Variants in PSMG2 observed in about 807,000 individuals in gnomAD.
PSMG2 encodes the protein CD40 ligand-activated specific transcript 3.
Under a neutral mutation model 31.5 loss-of-function variants are expected in PSMG2, and 21 were observed. The observed-to-expected ratio is 0.67, with a 90% confidence interval of 0.47 to 0.96. PSMG2 has a LOEUF of 0.96. PSMG2 is among the 40% of genes least tolerant of loss of function. The pLI is 0.00. For missense variants in PSMG2, 318 were observed against 321.2 expected (o/e 0.99, Z 0.08); for synonymous variants, 120 against 110.4 (o/e 1.09, Z -0.54).
chr18:12,699,195 C>G, upstream of PSMG2: 7 of 1,609,458 alleles, frequency 4.3e-6, no homozygotes, highest in Non-Finnish European at 6.0e-6. Flanking sequence ...CGTGTTGGAT[C>G]AATATTAGCT....
intron 1 of PSMG2, among the ~76,000 whole-genome samples, chr18:12,693,837 C>T (rs1598654241): frequency 6.6e-6 from 1 of 152,164 alleles, no homozygotes; most frequent in African/African-American, 2.4e-5. Flanking sequence ...TGTGTGTATA[C>T]ACCATTTATT....
chr18:12,697,475 C>A, intron 1 of PSMG2: 1 of 1,058,456 alleles, frequency 9.4e-7, no homozygotes, highest in Non-Finnish European at 1.3e-6. Flanking sequence ...TAAAAGAATA[C>A]TTTTATTAAA....
At chr18:12,705,695 A>C (rs752601135) in intron 1 of PSMG2, among the ~76,000 whole-genome samples, 1 of 152,088 alleles carries the variant, frequency 6.6e-6, no homozygotes, top group Admixed American at 6.6e-5. Flanking sequence ...GCTTCTGTTC[A>C]TACCTCGAAG....
At chr18:12,696,635 G>C (rs2039967860) in intron 1 of PSMG2, among the ~76,000 whole-genome samples, 1 of 152,114 alleles carries the variant, frequency 6.6e-6, no homozygotes, top group Non-Finnish European at 1.5e-5. Context: ...GGTAGGTTTT[G>C]TTTTCTCATT....
chr18:12,689,346 A>G (rs1268070215), intron 1 of PSMG2, among the ~76,000 whole-genome samples: 1 of 152,172 alleles, frequency 6.6e-6, no homozygotes, highest in Non-Finnish European at 1.5e-5. Flanking sequence ...ATGTATATGG[A>G]AAGAGGTGGC....
At chr18:12,702,730 C>A, upstream of PSMG2, 1 of 650,756 alleles carries the variant, frequency 1.5e-6, no homozygotes, top group East Asian at 3.1e-5. Flanking sequence ...AAATGAGGCC[C>A]CGGCGGCGGC....
chr18:12,699,048 G>A, upstream of PSMG2: 1 of 1,614,044 alleles, frequency 6.2e-7, no homozygotes, highest in Non-Finnish European at 8.5e-7. Context: ...CATGGAACAG[G>A]TTTAGAACGA....
chr18:12,697,728 T>G (rs750384498), intron 1 of PSMG2, among the ~76,000 whole-genome samples: 1 of 152,198 alleles, frequency 6.6e-6, no homozygotes. Context: ...AGCCTTCAAG[T>G]ATGTCAATAT....
chr18:12,711,110 CA>C (rs1355773803), intron 2 of PSMG2, among the ~76,000 whole-genome samples: 1 of 151,920 alleles, frequency 6.6e-6, no homozygotes, highest in East Asian at 1.9e-4. Context: ...AAAAAACAAA[CA>C]AAAAACAAAA....
At chr18:12,698,133 TCA>T (rs1307485310), upstream of PSMG2, among the ~76,000 whole-genome samples, 1 of 151,432 alleles carries the variant, frequency 6.6e-6, no homozygotes, top group African/African-American at 2.4e-5. Context: ...AGTTATATGT[TCA>T]CATCTAAATT....
At chr18:12,670,651 T>A (rs574954304) in intron 1 of PSMG2, 3 of 136,436 alleles carry the variant, frequency 2.2e-5, no homozygotes, top group African/African-American at 8.3e-5. Flanking sequence ...AAAAGAGTGG[T>A]TTTTTTTAAC....
chr18:12,721,566 T>C (rs1254108139), intron 5 of PSMG2, among the ~76,000 whole-genome samples: 1 of 152,162 alleles, frequency 6.6e-6, no homozygotes, highest in Admixed American at 6.5e-5. Context: ...GTAAAATTGG[T>C]GTTGATGTTC....
At chr18:12,710,587 T>C (rs1482541029) in intron 2 of PSMG2, among the ~76,000 whole-genome samples, 1 of 152,184 alleles carries the variant, frequency 6.6e-6, no homozygotes, top group East Asian at 1.9e-4. Context: ...GGTGTATTGT[T>C]TTGTACAATG....
At chr18:12,667,873 T>C (rs1456900728) in intron 1 of PSMG2, among the ~76,000 whole-genome samples, 1 of 95,396 alleles carries the variant, frequency 1.0e-5, no homozygotes, top group Non-Finnish European at 2.1e-5. Context: ...TTTTTTTAAA[T>C]AGAACAAGAA....
At chr18:12,685,816 G>C (rs2039520808) in intron 1 of PSMG2, 1 of 152,814 alleles carries the variant, frequency 6.5e-6, no homozygotes, top group Non-Finnish European at 1.5e-5. Flanking sequence ...TATTTTAGTA[G>C]AGATAGGGTT....
intron 1 of PSMG2, among the ~76,000 whole-genome samples, chr18:12,660,823 A>T (rs1046780524): frequency 6.6e-6 from 1 of 152,138 alleles, no homozygotes; most frequent in Admixed American, 6.6e-5. Flanking sequence ...GTGTGAGCAT[A>T]TATGTAATTA....
At chr18:12,674,555 C>G (rs1161958816) in intron 1 of PSMG2, 2 of 1,613,428 alleles carry the variant, frequency 1.2e-6, no homozygotes, top group East Asian at 2.2e-5. Context: ...GTGGCAAATG[C>G]ACGTCTTGCA....
chr18:12,661,242 A>C (rs2038690360), intron 1 of PSMG2: 2 of 277,214 alleles, frequency 7.2e-6, no homozygotes, highest in Admixed American at 6.5e-5. Flanking sequence ...CGGGAGGCGG[A>C]GCGTGCAGTG....
At chr18:12,663,662 TTTGTG>T (rs1380005607) in intron 1 of PSMG2, among the ~76,000 whole-genome samples, 3 of 152,298 alleles carry the variant, frequency 2.0e-5, no homozygotes, top group Non-Finnish European at 4.4e-5. Context: ...TAACCAGAGT[TTTGTG>T]TTGTGTAAAT....
Sources: allele counts gnomAD v4.1 joint callset (sites outside exome capture counted in the v4.1 genomes callset), GRCh38; gene constraint gnomAD v4.1.1; transcripts MANE v1.5; gene names NCBI Gene and HGNC (gene_info 2026-07-23, HGNC 2026-07-21).